TENM1: variants seen among roughly 807,000 people sequenced by gnomAD.
TENM1 encodes the protein teneurin-1.
Under a neutral mutation model 174.8 loss-of-function variants are expected in TENM1, and 35 were observed. The ratio of observed to expected loss-of-function variants is 0.20; its 90% CI spans 0.15 to 0.27. The LOEUF (loss-of-function observed/expected upper bound fraction) is 0.27, where lower values mean the gene tolerates loss of function less well. TENM1 is among the 10% of genes least tolerant of loss of function. The pLI is 1.00. For missense variants in TENM1, 1,633 were observed against 2,130.1 expected (o/e 0.77, Z 4.59); for synonymous variants, 781 against 798.7 (o/e 0.98, Z 0.37).
At chrX:124,632,735 G>A (rs2050790931) in intron 11 of TENM1, among the ~76,000 whole-genome samples, 1 of 110,760 alleles carries the variant, frequency 9.0e-6, no homozygotes, top group Non-Finnish European at 1.9e-5. Flanking sequence ...TGTATTTGGA[G>A]AAAAAAAATA....
At chrX:124,832,757 T>A (rs2056316219) in intron 3 of TENM1, among the ~76,000 whole-genome samples, 2 of 111,357 alleles carry the variant, frequency 1.8e-5, no homozygotes, top group African/African-American at 6.5e-5. Flanking sequence ...GTATTTTTTG[T>A]AAAGACGGGG....
rs895076751 is a variant in TENM1, at chrX:124,605,457, T to A, written c.2077+36334A>T. On this transcript the variant is annotated intron_variant, in intron 11 of 31. Coordinates refer to ENST00000422452, the Ensembl canonical transcript of TENM1. The stretch of plus-strand genomic sequence containing the variant: ...AAGGGGGCAAGAGAATTGTTGGTGA[T>A]CTTCAGGAGCAAATTCCACTTTCTA... Among the ~76,000 whole-genome samples, 43 of 109,894 alleles carry A rather than the reference T, an allele frequency of 3.9e-4. 1 individual carries two copies. Among genetic ancestry groups the A allele is most frequent in the Admixed American group, 2.7e-3 (27 of 10,173 alleles).
Position 124,381,293 on chromosome X carries a change from G to A in TENM1, c.7442C>T (p.Thr2481Ile). 2.5e-6 allele frequency: 3 copies of A among 1,191,095 alleles called. No individual in the cohort carries two copies. The East Asian group carries it at 8.9e-5, about 35-fold the overall frequency. ...GAGTTCACACTGAATGCCCAGGATA[G>A]TCTAGGAAAGAGAGGCACAGAGCAG... Residue 2481 changes from threonine to isoleucine, a missense_variant and splice_region_variant, in exon 32 of 32, where the codon ACT becomes ATT. Around this residue, in one of 4 missense-constraint regions of TENM1, gnomAD observed 807 missense variants for 1,125.3 expected, o/e 0.72. Coordinates refer to ENST00000422452, the Ensembl canonical transcript of TENM1.
chrX:125,060,181 TCACA>T, the TENM1 span, among the ~76,000 whole-genome samples: 17,435 of 93,468 alleles, frequency 0.19, 1,339 homozygotes, highest in Admixed American at 0.31. Flanking sequence ...TCTCTCTCTC[TCACA>T]CACACACACA....
the TENM1 span, among the ~76,000 whole-genome samples, chrX:125,116,285 T>C: frequency 8.9e-6 from 1 of 111,974 alleles, no homozygotes; most frequent in African/African-American, 3.3e-5. Context: ...ATAAAAACCC[T>C]AGAAGAGAAC....
chrX:125,066,047 A>T, the TENM1 span, among the ~76,000 whole-genome samples: 3 of 112,212 alleles, frequency 2.7e-5, no homozygotes, highest in Non-Finnish European at 5.6e-5. Flanking sequence ...AAGATGTGTC[A>T]TCCTTGCATA....
intron 3 of TENM1, among the ~76,000 whole-genome samples, chrX:124,822,120 A>G (rs1029165760): frequency 3.6e-5 from 4 of 112,606 alleles, no homozygotes; most frequent in Non-Finnish European, 5.6e-5. Context: ...GTGCTCACCA[A>G]TGGAAGCCTT....
chrX:124,383,234 C>T (rs748377879), intron 30 of TENM1, among the ~76,000 whole-genome samples: 6 of 110,926 alleles, frequency 5.4e-5, no homozygotes, highest in Non-Finnish European at 7.6e-5. Flanking sequence ...TGTGAGCCAC[C>T]GCACCCAGCC....
chrX:124,975,670 A>G, the TENM1 span, among the ~76,000 whole-genome samples: 17,660 of 111,205 alleles, frequency 0.16, 1,366 homozygotes, highest in Non-Finnish European at 0.24. Context: ...CTCATTTTCA[A>G]TTATGCTAAA....
intron 23 of TENM1, among the ~76,000 whole-genome samples, chrX:124,448,525 C>T (rs146814093): frequency 2.7e-4 from 29 of 108,603 alleles, no homozygotes; most frequent in African/African-American, 8.6e-4. Flanking sequence ...CCCTTCTTAA[C>T]GCTGTTATTA....
intron 4 of TENM1, among the ~76,000 whole-genome samples, chrX:124,727,385 T>G (rs1039584348): frequency 8.9e-6 from 1 of 112,126 alleles, no homozygotes; most frequent in African/African-American, 3.2e-5. Flanking sequence ...GAACCAACAC[T>G]TGGCCAAAAA....
intron 4 of TENM1, among the ~76,000 whole-genome samples, chrX:124,727,809 G>A (rs1163189604): frequency 9.0e-6 from 1 of 111,117 alleles, no homozygotes; most frequent in Non-Finnish European, 1.9e-5. Context: ...TTTCATGTGC[G>A]GTATGAAATA....
intron 3 of TENM1, among the ~76,000 whole-genome samples, chrX:124,881,072 T>C (rs1375624004): frequency 8.9e-6 from 1 of 112,051 alleles, no homozygotes; most frequent in Non-Finnish European, 1.9e-5. Context: ...AATTCCACCT[T>C]CTTCAACTTT....
At chrX:124,586,987 T>G (rs953836353) in intron 11 of TENM1, among the ~76,000 whole-genome samples, 1 of 110,850 alleles carries the variant, frequency 9.0e-6, no homozygotes, top group African/African-American at 3.3e-5. Context: ...ACAAAGGACG[T>G]GAAGGACCTC....
the TENM1 span, among the ~76,000 whole-genome samples, chrX:125,171,907 T>A: frequency 8.9e-6 from 1 of 111,865 alleles, no homozygotes; most frequent in East Asian, 2.8e-4. Context: ...GATAAGTGAT[T>A]ATAATCTAAT....
At chrX:124,830,593 T>A (rs2147328194) in intron 3 of TENM1, among the ~76,000 whole-genome samples, 1 of 111,835 alleles carries the variant, frequency 8.9e-6, no homozygotes, top group African/African-American at 3.3e-5. Flanking sequence ...TGTGAGATAC[T>A]TGGTGATCTC....
chrX:125,139,994 C>T, the TENM1 span, among the ~76,000 whole-genome samples: 4 of 110,866 alleles, frequency 3.6e-5, no homozygotes, highest in African/African-American at 9.8e-5. Context: ...AAAATACTTT[C>T]GTAATATATT....
chrX:124,417,152 T>G (rs2060602744), intron 25 of TENM1, among the ~76,000 whole-genome samples: 1 of 112,283 alleles, frequency 8.9e-6, no homozygotes, highest in African/African-American at 3.2e-5. Flanking sequence ...TCCACTTCAC[T>G]GGCCTTTCCT....
At chrX:124,980,721 T>G in the TENM1 span, among the ~76,000 whole-genome samples, 5 of 111,310 alleles carry the variant, frequency 4.5e-5, no homozygotes, top group African/African-American at 1.6e-4. Context: ...TATAATAAAC[T>G]GTTTAGAATT....
Sources: allele counts gnomAD v4.1 joint callset (sites outside exome capture counted in the v4.1 genomes callset), GRCh38; gene constraint gnomAD v4.1.1; regional missense constraint gnomAD v4.1.1; transcripts MANE v1.5; gene names NCBI Gene and HGNC (gene_info 2026-07-23, HGNC 2026-07-21).